PLCG2: variants seen among roughly 807,000 people sequenced by gnomAD.
PLCG2 encodes phospholipase C gamma 2, also known as 1-phosphatidylinositol 4,5-bisphosphate phosphodiesterase gamma-2.
Under a neutral mutation model 175.6 loss-of-function variants are expected in PLCG2, and 69 were observed. The observed-to-expected ratio is 0.39, with a 90% CI of 0.32 to 0.48. The LOEUF (loss-of-function observed/expected upper bound fraction) is 0.48. PLCG2 is among the 20% of genes least tolerant of loss of function. The pLI is 0.91. For synonymous variants in PLCG2, 827 were observed against 624.0 expected, an observed-to-expected ratio of 1.33 and a Z score of -4.85; for missense variants, 1,798 against 1,650.9, an observed-to-expected ratio of 1.09 and a Z score of -1.54.
intron 2 of PLCG2, among the ~76,000 whole-genome samples, chr16:81,831,007 T>G (rs949981063): frequency 3.9e-5 from 6 of 152,164 alleles, no homozygotes; most frequent in African/African-American, 1.2e-4. Flanking sequence ...ATTTCCATCT[T>G]GGGGCCTTTG....
intron 11 of PLCG2, 116 bp downstream of exon 11, chr16:81,891,706 C>A: frequency 1.5e-6 from 1 of 651,622 alleles, no homozygotes; most frequent in East Asian, 2.7e-5. Context: ...GAGGGTGTAG[C>A]ACCGCATTCC....
chr16:81,758,670 C>T (rs374460856), intron 2 of PLCG2, among the ~76,000 whole-genome samples: 10 of 142,216 alleles, frequency 7.0e-5, no homozygotes, highest in African/African-American at 2.5e-4. Flanking sequence ...TGTTATTGTC[C>T]ATCTCTCTTT....
intron 2 of PLCG2, among the ~76,000 whole-genome samples, chr16:81,801,537 A>G (rs990476756): frequency 1.3e-5 from 2 of 152,190 alleles, no homozygotes; most frequent in Non-Finnish European, 2.9e-5. Context: ...TCAATGCTGG[A>G]CATTTAGGTT....
chr16:81,744,106 C>T (rs1450315895), intron 1 of PLCG2, among the ~76,000 whole-genome samples: 2 of 151,926 alleles, frequency 1.3e-5, no homozygotes, highest in Admixed American at 6.6e-5. Flanking sequence ...AATCCACCCG[C>T]CTCGGCCTCC....
In PLCG2 at chr16:81,932,686, C is replaced by A. The variant is rs548119187; in HGVS notation, c.2739+1032C>A. Among the ~76,000 whole-genome samples the A allele has an allele frequency of 3.9e-5, 6 of 152,350 alleles. No individual in the cohort carries two copies. The East Asian group carries it at 1.2e-3, about 29-fold the overall frequency. On this transcript the variant is annotated intron_variant, in intron 25 of 32. Coordinates refer to ENST00000564138, the MANE Select transcript of PLCG2 (RefSeq NM_002661.5). ...AGGATCCTTGACTCACTCAACTCTT[C>A]TGCAGGGAAGTGTCCTCTTTAGGAG...
At chr16:81,786,325 A>G in intron 2 of PLCG2, 143 bp downstream of exon 2, 3 of 715,154 alleles carry the variant, frequency 4.2e-6, no homozygotes, top group Non-Finnish European at 6.8e-6. Context: ...AAGCATTGCC[A>G]GTTTGTGTGG....
intron 2 of PLCG2, among the ~76,000 whole-genome samples, chr16:81,772,902 T>G (rs1910314764): frequency 1.3e-5 from 2 of 152,182 alleles, no homozygotes; most frequent in Non-Finnish European, 2.9e-5. Flanking sequence ...GCCTTCTTGC[T>G]CTGTGCCAGC....
rs373453607 is a variant in PLCG2 at position 81,753,575 on chromosome 16, C to T, written c.-144-2295C>T. Among the ~76,000 whole-genome samples the T allele has an allele frequency of 4.5e-4, 69 of 152,120 alleles. No individual in the cohort carries two copies. In the East Asian group the frequency reaches 0.012, roughly 27 times the overall value. On this transcript the variant is annotated intron_variant, in intron 1 of 5. Coordinates refer to the PLCG2 transcript ENST00000565054. ...CTGGGATTATAGGCGCACATTACCACGCCCAGCTAATTTTTGTATTTTCAG... is the reference window on the plus strand; with the variant it reads ...CTGGGATTATAGGCGCACATTACCATGCCCAGCTAATTTTTGTATTTTCAG...
At chr16:81,790,637 T>G (rs62044062) in intron 2 of PLCG2, among the ~76,000 whole-genome samples, 39,114 of 152,098 alleles carry the variant, frequency 0.26, 5,235 homozygotes, top group Non-Finnish European at 0.28. Flanking sequence ...CACCGGCACC[T>G]GGTTTTGGAA....
intron 1 of PLCG2, chr16:81,740,571 A>T (rs1909568212): frequency 6.6e-6 from 1 of 151,694 alleles, no homozygotes; most frequent in Admixed American, 6.6e-5. Context: ...CATCTCTAAT[A>T]AAAGTACAAA....
At chr16:81,743,783 T>C (rs1002328834) in intron 1 of PLCG2, among the ~76,000 whole-genome samples, 2 of 152,102 alleles carry the variant, frequency 1.3e-5, no homozygotes. Flanking sequence ...CCAATGACAT[T>C]GTTGGAGCCC....
rs145806350 is a variant in PLCG2, at chr16:81,928,001, G to A, written c.2515-557G>A. Among the ~76,000 whole-genome samples the A allele has an allele frequency of 1.3e-3, 192 of 144,498 alleles. 1 individual carries two copies. The highest frequency in any genetic ancestry group is 4.7e-3 in the African/African-American group (187 of 39,738). The allele number at this position is 144,498 out of a possible 152,430, so 94.8% of individuals were successfully genotyped here. A position where few individuals can be genotyped will look rare whatever the true frequency, so the allele number is the denominator to read the frequency against. ...GGGGGTGGGGTTTGGGGTGGTGCAG[G>A]CAAGGAGTGGATGCCTGGTTCTGCC... On this transcript the variant is annotated intron_variant, in intron 23 of 32. Coordinates refer to ENST00000564138, the MANE Select transcript of PLCG2 (RefSeq NM_002661.5).
At chr16:81,953,263 C>A (rs1036731880) in intron 31 of PLCG2, among the ~76,000 whole-genome samples, 12 of 152,236 alleles carry the variant, frequency 7.9e-5, no homozygotes, top group Middle Eastern at 3.4e-3. Flanking sequence ...TGGTGGAAAA[C>A]CCAGTGAAAT....
At chr16:81,904,362 T>A (rs4482276) in intron 14 of PLCG2, among the ~76,000 whole-genome samples, 1 of 152,220 alleles carries the variant, frequency 6.6e-6, no homozygotes, top group African/African-American at 2.4e-5. Context: ...TCTGACCCCC[T>A]ATCCTGAGCT....
At chr16:81,894,049 C>T (rs1229061036) in intron 12 of PLCG2, among the ~76,000 whole-genome samples, 7 of 149,774 alleles carry the variant, frequency 4.7e-5, no homozygotes, top group Admixed American at 1.3e-4. Flanking sequence ...GGCAAACAGA[C>T]ACCCGCTGTG....
In PLCG2 at chr16:81,802,729, G is replaced by A. The variant is rs144480508; in HGVS notation, c.193+16547G>A. On this transcript the variant is annotated intron_variant, in intron 2 of 32. Coordinates refer to ENST00000564138, the MANE Select transcript of PLCG2 (RefSeq NM_002661.5). ...TGGGATTACAGGCATGCGCCACCACGCCCAGCTGATTTTGTATTTTTAGTA... is the reference window on the plus strand; with the variant it reads ...TGGGATTACAGGCATGCGCCACCACACCCAGCTGATTTTGTATTTTTAGTA... Among the ~76,000 whole-genome samples, 1,195 of 152,096 alleles carry A rather than the reference G, an allele frequency of 7.9e-3. 12 individuals are homozygous for A. The highest frequency in any genetic ancestry group is 0.025 in the African/African-American group (1,040 of 41,506).
chr16:81,939,960 A>T lies in PLCG2; in HGVS notation c.3382A>T (p.Asn1128Tyr). ...EKVTFEIYDP[N>Y]LAFLRFVVYE... Reference sequence around the variant, plus strand: ...GGTGACATTTGAAATTTATGACCCAAACCTGGCATTTCTGCGCTTTGTGGT... The same window carrying T: ...GGTGACATTTGAAATTTATGACCCATACCTGGCATTTCTGCGCTTTGTGGT... Residue 1128 changes from asparagine to tyrosine, a missense_variant, in exon 30 of 33, where the codon AAC becomes TAC. Physicochemically the swap from Asn to Tyr is moderately radical, Grantham distance 143. Transcript: ENST00000564138. The T allele has an allele frequency of 6.2e-7, 1 of 1,613,968 alleles. No homozygotes were observed. Among genetic ancestry groups the T allele is most frequent in the Non-Finnish European group, 8.5e-7 (1 of 1,179,848 alleles).
intron 13 of PLCG2, among the ~76,000 whole-genome samples, chr16:81,899,169 A>C (rs887101264): frequency 6.6e-6 from 1 of 152,086 alleles, no homozygotes; most frequent in Admixed American, 6.6e-5. Flanking sequence ...ATCCCGGGCA[A>C]TGAGTGAAAC....
At chr16:81,787,370 C>T (rs1247268960) in intron 2 of PLCG2, among the ~76,000 whole-genome samples, 2 of 149,606 alleles carry the variant, frequency 1.3e-5, no homozygotes, top group South Asian at 2.1e-4. Flanking sequence ...CATGGGAATG[C>T]ACCGCCATGC....
Sources: gnomAD v4.1 joint callset for allele counts (sites outside exome capture counted in the v4.1 genomes callset) on GRCh38, gnomAD v4.1.1 for gene constraint, MANE v1.5 for transcripts, NCBI Gene and HGNC (gene_info 2026-07-23, HGNC 2026-07-21) for gene names.